HYDIN: variants seen among roughly 807,000 people sequenced by gnomAD.
HYDIN encodes HYDIN axonemal central pair apparatus protein, also known as axonemal central pair apparatus protein HYDIN.
HYDIN carries 132 observed loss-of-function variants against 403.9 expected under a neutral mutation model. The observed-to-expected ratio is 0.33, with a 90% CI of 0.28 to 0.38. The LOEUF (loss-of-function observed/expected upper bound fraction) is 0.38, where lower values mean the gene tolerates loss of function less well. Ranked by LOEUF, HYDIN falls within the 10% of genes least tolerant of loss-of-function variation. The pLI, the probability that HYDIN is intolerant of heterozygous loss-of-function variation, is 1.00. For missense variants in HYDIN, 2,827 were observed against 5,009.5 expected, an observed-to-expected ratio of 0.56 and a Z score of 13.15; for synonymous variants, 1,202 against 1,891.7, an observed-to-expected ratio of 0.64 and a Z score of 9.46.
intron 11 of HYDIN, among the ~76,000 whole-genome samples, chr16:71,089,454 A>C (rs1026459389): frequency 9.2e-5 from 14 of 151,930 alleles, no homozygotes; most frequent in Non-Finnish European, 1.9e-4. Flanking sequence ...CCTACACATA[A>C]GGCTTTGGAG....
intron 69 of HYDIN, among the ~76,000 whole-genome samples, chr16:70,861,200 AG>A (rs2039393297): frequency 6.6e-6 from 1 of 152,244 alleles, no homozygotes; most frequent in Admixed American, 6.5e-5. Flanking sequence ...TCTCTCTCAT[AG>A]GCATTTAGTG....
intron 3 of HYDIN, among the ~76,000 whole-genome samples, chr16:71,181,734 T>G (rs1053618018): frequency 1.3e-5 from 2 of 152,188 alleles, no homozygotes; most frequent in Non-Finnish European, 2.9e-5. Context: ...ATGTCTTCAT[T>G]CAATAAATAT....
In HYDIN at chr16:70,951,244, GGGAC is replaced by G. The variant is rs766354536; in HGVS notation, c.6531+1173_6531+1176del. 6.4e-3 allele frequency among the ~76,000 whole-genome samples: 590 copies of G among 92,158 alleles called. 6 individuals are homozygous for G. Among genetic ancestry groups the G allele is most frequent in the Non-Finnish European group, 0.011 (414 of 38,754 alleles). The allele number at this position is 92,158 out of a possible 152,430, so 60.5% of individuals were successfully genotyped here. The stretch of plus-strand genomic sequence containing the variant: ...AGTGAGACCCTGACTCTAGGGAAAA[GGGAC>G]AGAGAGAGAGAGAGAGAGAGAGAGA... On this transcript the variant is annotated intron_variant, in intron 41 of 85. Coordinates refer to ENST00000393567, the MANE Select transcript of HYDIN (RefSeq NM_001270974.2).
chr16:71,191,265 C>T (rs1293230050), intron 1 of HYDIN, among the ~76,000 whole-genome samples: 1 of 151,998 alleles, frequency 6.6e-6, no homozygotes, highest in African/African-American at 2.4e-5. Flanking sequence ...TTTTTAAAAT[C>T]ATCGTTTGTT....
chr16:71,207,937 T>C (rs1414983030), intron 1 of HYDIN, among the ~76,000 whole-genome samples: 1 of 152,092 alleles, frequency 6.6e-6, no homozygotes, highest in Non-Finnish European at 1.5e-5. Flanking sequence ...TTTTTAGAGA[T>C]CTATGAATAG....
At position 70,992,145 on chromosome 16, in the gene HYDIN, G is replaced by C; in HGVS notation, c.3710C>G (p.Thr1237Ser). Residue 1237 changes from threonine (T) to serine (S), a missense_variant, in exon 24 of 86, where the codon ACC (threonine) becomes AGC (serine). Thr to Ser is a moderately conservative substitution (Grantham distance 58). Transcript: ENST00000393567. ...PVSQMESIPA[T>S]SEAASPPAIL... ...TGCTGGTGGGCTGGCAGCCTCTGAGGTTGCTGGGATGGACTCCATCTGGGA... is the reference window on the plus strand; with the variant it reads ...TGCTGGTGGGCTGGCAGCCTCTGAGCTTGCTGGGATGGACTCCATCTGGGA... 1 of 1,612,212 alleles carries C rather than the reference G, an allele frequency of 6.2e-7. No individual in the cohort carries two copies. The highest frequency in any genetic ancestry group is 8.5e-7 in the Non-Finnish European group (1 of 1,179,184).
At chr16:71,133,232 G>A (rs1245550169) in intron 8 of HYDIN, 1 of 454,760 alleles carries the variant, frequency 2.2e-6, no homozygotes. Context: ...TTGAGAGCTA[G>A]AGGAAATACT....
chr16:71,212,902 G>A (rs1000460996), intron 1 of HYDIN, among the ~76,000 whole-genome samples: 2 of 152,000 alleles, frequency 1.3e-5, no homozygotes, highest in African/African-American at 2.4e-5. Context: ...CCTAGTGAGG[G>A]TGAAGAAAAC....
chr16:71,087,740 G>A (rs1333443667), intron 12 of HYDIN: 1 of 146,826 alleles, frequency 6.8e-6, no homozygotes, highest in Non-Finnish European at 1.5e-5. Flanking sequence ...TGCCCCAAGG[G>A]AGACCTCAGC....
intron 18 of HYDIN, among the ~76,000 whole-genome samples, chr16:71,052,164 C>T: frequency 6.6e-6 from 1 of 152,216 alleles, no homozygotes; most frequent in Non-Finnish European, 1.5e-5. Context: ...ATAAAATCTA[C>T]CTAATCAAGC....
At position 70,810,001 on chromosome 16, in the gene HYDIN, A is replaced by G. The variant is rs532437784; in HGVS notation, c.14665T>C (p.Phe4889Leu). 5.6e-6 allele frequency: 9 copies of G among 1,614,076 alleles called. No homozygotes were observed. In the East Asian group the frequency reaches 1.6e-4, roughly 28 times the overall value. The change falls in exon 85 of 86, where the codon TTC (phenylalanine) becomes CTC (leucine). Residue 4889 changes from phenylalanine to leucine, a missense_variant. Transcript: ENST00000393567. ...FVVPANSEGT[F>L]SFEFQPLKAG... ...TTCAGGGGCTGAAATTCAAATGAGA[A>G]CGTGCCCTGGAAGAGAAAACAGAGG...
rs371755460 is a variant in HYDIN, at chr16:70,946,156, A to G, written c.6532-2207T>C. 1.0e-3 allele frequency among the ~76,000 whole-genome samples: 149 copies of G among 144,168 alleles called. 3 individuals carry two copies. The East Asian group carries it at 0.025, about 24-fold the overall frequency. The allele number at this position is 144,168 out of a possible 152,430, so 94.6% of individuals were successfully genotyped here. Reference sequence around the variant, plus strand: ...GGCTGGGTGCCCATGTGCAGGGATCAGCCCTGGGTGAAGGCAGGGCAGACA... The same window carrying G: ...GGCTGGGTGCCCATGTGCAGGGATCGGCCCTGGGTGAAGGCAGGGCAGACA... On this transcript the variant is annotated intron_variant, in intron 41 of 85. Transcript: ENST00000393567.
intron 84 of HYDIN, 62 bp downstream of exon 84, chr16:70,818,280 T>C: frequency 1.0e-6 from 1 of 994,262 alleles, no homozygotes; most frequent in South Asian, 1.4e-5. Context: ...GATCCAGAGA[T>C]CTCATGGGTG....
At chr16:71,168,105 G>C (rs1275754609) in intron 5 of HYDIN, among the ~76,000 whole-genome samples, 83 of 152,094 alleles carry the variant, frequency 5.5e-4, no homozygotes, top group African/African-American at 1.9e-3. Flanking sequence ...ATCGCCTGAG[G>C]TCAGGAGTTC....
At chr16:70,931,208 C>CTTTTTTTTTTT (rs2077313550) in intron 45 of HYDIN, among the ~76,000 whole-genome samples, 5 of 78,274 alleles carry the variant, frequency 6.4e-5, no homozygotes, top group African/African-American at 1.6e-4. Context: ...TCTCTTTCTT[C>CTTTTTTTTTTT]TGTTTTTTTT....
At chr16:71,151,314 C>T (rs1163569213) in intron 7 of HYDIN, among the ~76,000 whole-genome samples, 2 of 152,084 alleles carry the variant, frequency 1.3e-5, no homozygotes, top group South Asian at 2.1e-4. Flanking sequence ...CAATGTGGAG[C>T]TAGGGCCACT....
intron 18 of HYDIN, among the ~76,000 whole-genome samples, chr16:71,036,890 A>G (rs1385021530): frequency 6.6e-6 from 1 of 152,160 alleles, no homozygotes; most frequent in South Asian, 2.1e-4. Flanking sequence ...GGTCATTGTG[A>G]TATTTCCTGT....
In HYDIN at chr16:71,067,471, C is replaced by T. The variant is rs553807653; in HGVS notation, c.1975-81G>A. ...GGGGAGGGGAGCCTCCGGAGGACTA[C>T]GCTGATCAGAGTGGTTTCTAAGTGC... On this transcript the variant is annotated intron_variant, in intron 14 of 85. Transcript: ENST00000393567. 2.1e-4 allele frequency: 161 copies of T among 763,896 alleles called. 1 individual carries two copies. In the African/African-American group the frequency reaches 2.4e-3, roughly 11 times the overall value. The allele number at this position is 763,896 out of a possible 1,614,324, so 47.3% of individuals were successfully genotyped here.
chr16:71,085,967 C>G (rs1364075350), intron 12 of HYDIN, among the ~76,000 whole-genome samples: 2 of 152,044 alleles, frequency 1.3e-5, no homozygotes, highest in Non-Finnish European at 2.9e-5. Context: ...CTGCCATTCT[C>G]TAACTTTTAA....
Sources: allele counts gnomAD v4.1 joint callset (sites outside exome capture counted in the v4.1 genomes callset), GRCh38; gene constraint gnomAD v4.1.1; transcripts MANE v1.5; gene names NCBI Gene and HGNC (gene_info 2026-07-23, HGNC 2026-07-21).